Variants in SEMA6D observed in about 807,000 individuals in gnomAD.
The protein encoded by SEMA6D is semaphorin 6D.
In SEMA6D, 35 loss-of-function variants were observed where a neutral mutation model predicts 106.6. The observed-to-expected ratio is 0.33, with a 90% CI of 0.25 to 0.44. The LOEUF is 0.44. Among genes scored for constraint, SEMA6D ranks in the 20% least tolerant of loss-of-function variants. The probability of loss-of-function intolerance (pLI) is 1.00; values close to 1 mark genes in which losing one functional copy is unlikely to be tolerated. For synonymous variants in SEMA6D, 499 were observed against 487.7 expected (o/e 1.02, Z -0.31); for missense variants, 1,185 against 1,345.9 (o/e 0.88, Z 1.87).
intron 3 of SEMA6D, among the ~76,000 whole-genome samples, chr15:47,527,383 G>T (rs926953655): frequency 6.6e-6 from 1 of 152,110 alleles, no homozygotes; most frequent in Non-Finnish European, 1.5e-5. Flanking sequence ...AAGTTATATG[G>T]AAATGCCAAA....
intron 3 of SEMA6D, among the ~76,000 whole-genome samples, chr15:47,515,253 G>A (rs1317783948): frequency 2.0e-5 from 3 of 152,058 alleles, no homozygotes; most frequent in Admixed American, 6.6e-5. Context: ...ACCCAATTCC[G>A]CTTGTTAACT....
intron 1 of SEMA6D, among the ~76,000 whole-genome samples, chr15:47,286,095 T>C (rs57757696): frequency 6.6e-6 from 1 of 152,322 alleles, no homozygotes; most frequent in African/African-American, 2.4e-5. Context: ...GTCTGAACTT[T>C]AGGACTCTGG....
intron 3 of SEMA6D, among the ~76,000 whole-genome samples, chr15:47,585,708 C>T (rs76712854): frequency 1.3e-5 from 2 of 152,278 alleles, no homozygotes; most frequent in East Asian, 1.9e-4. Flanking sequence ...ATAACAATAA[C>T]AAAAATTGAT....
At chr15:47,632,985 T>C (rs2077318673) in intron 4 of SEMA6D, among the ~76,000 whole-genome samples, 1 of 152,046 alleles carries the variant, frequency 6.6e-6, no homozygotes, top group Non-Finnish European at 1.5e-5. Context: ...AGTCTACTGG[T>C]ATCAGTGTTT....
chr15:47,770,413 G>C, intron 18 of SEMA6D, 84 bp from the exon 19 acceptor site: 5 of 1,145,128 alleles, frequency 4.4e-6, no homozygotes, highest in Non-Finnish European at 6.3e-6. Context: ...TATGAAGGTC[G>C]TGTTGGCTCA....
intron 1 of SEMA6D, among the ~76,000 whole-genome samples, chr15:47,392,101 C>T (rs1156421719): frequency 6.6e-6 from 1 of 152,044 alleles, no homozygotes; most frequent in African/African-American, 2.4e-5. Context: ...GTCACCATTT[C>T]CACCAACCAC....
chr15:47,672,491 G>C (rs1336287666), intron 4 of SEMA6D, among the ~76,000 whole-genome samples: 1 of 152,148 alleles, frequency 6.6e-6, no homozygotes, highest in Non-Finnish European at 1.5e-5. Context: ...AAATAGGAAG[G>C]TAGGGTTATA....
intron 3 of SEMA6D, among the ~76,000 whole-genome samples, chr15:47,555,533 G>A (rs2045891959): frequency 6.6e-6 from 1 of 152,158 alleles, no homozygotes; most frequent in Admixed American, 6.6e-5. Context: ...AAAGTAGGGT[G>A]GGAACATTAT....
intron 1 of SEMA6D, among the ~76,000 whole-genome samples, chr15:47,273,897 TA>T (rs1377107883): frequency 1.3e-5 from 2 of 152,034 alleles, no homozygotes; most frequent in African/African-American, 2.4e-5. Context: ...TAGTGGGGAG[TA>T]AGAGAAACTT....
intron 4 of SEMA6D, among the ~76,000 whole-genome samples, chr15:47,640,062 A>G (rs1014619551): frequency 1.3e-5 from 2 of 152,172 alleles, no homozygotes; most frequent in South Asian, 2.1e-4. Context: ...GGATGTTAAT[A>G]ATAGGAGACA....
chr15:47,217,563 A>G (rs1170980154), intron 1 of SEMA6D, among the ~76,000 whole-genome samples: 9 of 112,312 alleles, frequency 8.0e-5, no homozygotes, highest in Non-Finnish European at 1.6e-4. Context: ...CCACGCGTGC[A>G]CGGGTGTGTG....
intron 1 of SEMA6D, among the ~76,000 whole-genome samples, chr15:47,322,276 G>A (rs945647015): frequency 6.9e-6 from 1 of 145,182 alleles, no homozygotes; most frequent in Non-Finnish European, 1.5e-5. Flanking sequence ...GCGTTCACTA[G>A]TTATTTTTTT....
rs192743830 is a variant in SEMA6D at position 47,696,480 on chromosome 15, G to A, written c.-54-63265G>A. Among the ~76,000 whole-genome samples the A allele has an allele frequency of 2.1e-3, 327 of 152,302 alleles. 1 individual carries two copies. The highest frequency in any genetic ancestry group is 6.8e-3 in the Middle Eastern group (2 of 294). On this transcript the variant is annotated intron_variant, in intron 4 of 19. Coordinates refer to the SEMA6D transcript ENST00000558014. ...GAAATAGGGGCTGTGGGGAAGGAGA[G>A]AGAGGGCCCCTCCATGGTGGTATCT...
At chr15:47,184,204 C>G (rs901980734) in exon 1 of SEMA6D, 3 of 152,738 alleles carry the variant, frequency 2.0e-5, no homozygotes, top group African/African-American at 7.2e-5. Flanking sequence ...GCAGAGAGAC[C>G]CACCAGGACT....
chr15:47,227,220 A>T (rs573868686), intron 1 of SEMA6D, among the ~76,000 whole-genome samples: 14 of 152,210 alleles, frequency 9.2e-5, no homozygotes, highest in Non-Finnish European at 1.9e-4. Flanking sequence ...ACAGCTACAT[A>T]TAAAATAATA....
At chr15:47,263,513 G>A (rs75318821) in intron 1 of SEMA6D, among the ~76,000 whole-genome samples, 13 of 152,082 alleles carry the variant, frequency 8.5e-5, no homozygotes, top group Non-Finnish European at 1.6e-4. Context: ...TCTTATACCA[G>A]TCAGAATGAC....
intron 3 of SEMA6D, among the ~76,000 whole-genome samples, chr15:47,540,347 G>A (rs926747367): frequency 6.6e-6 from 1 of 151,822 alleles, no homozygotes; most frequent in Non-Finnish European, 1.5e-5. Flanking sequence ...TATGGTGGGC[G>A]ACCTCTGAAT....
At chr15:47,429,499 G>A (rs1314775790) in intron 2 of SEMA6D, among the ~76,000 whole-genome samples, 1 of 152,092 alleles carries the variant, frequency 6.6e-6, no homozygotes, top group Non-Finnish European at 1.5e-5. Flanking sequence ...ATCTGACTTA[G>A]GTTTGCAATA....
intron 1 of SEMA6D, among the ~76,000 whole-genome samples, chr15:47,728,843 C>T (rs887184080): frequency 3.3e-5 from 5 of 152,182 alleles, no homozygotes; most frequent in Non-Finnish European, 7.3e-5. Context: ...TCTCCCTCTC[C>T]GACTCTTCTG....
Sources: gnomAD v4.1 joint callset for allele counts (sites outside exome capture counted in the v4.1 genomes callset) on GRCh38, gnomAD v4.1.1 for gene constraint, MANE v1.5 for transcripts, NCBI Gene and HGNC (gene_info 2026-07-23, HGNC 2026-07-21) for gene names.